The following ROBO1 variants were observed in gnomAD, a reference collection of about 807,000 sequenced individuals.
ROBO1 encodes the protein roundabout guidance receptor 1, also known as roundabout homolog 1.
Under a neutral mutation model 195.9 loss-of-function variants are expected in ROBO1, and 149 were observed. The observed-to-expected ratio is 0.76, with a 90% CI of 0.67 to 0.87. The LOEUF (loss-of-function observed/expected upper bound fraction) is 0.87, where lower values mean the gene tolerates loss of function less well. ROBO1 is among the 40% of genes least tolerant of loss of function. ROBO1 has a pLI of 0.00. For synonymous variants in ROBO1, 816 were observed against 733.2 expected (o/e 1.11, Z -1.82); for missense variants, 1,933 against 2,068.3 (o/e 0.93, Z 1.27).
intron 29 of ROBO1, among the ~76,000 whole-genome samples, chr3:78,601,270 C>T (rs1349376186): frequency 6.6e-6 from 1 of 152,182 alleles, no homozygotes; most frequent in African/African-American, 2.4e-5. Context: ...GAAGGCTTCC[C>T]TCTAGCTCAC....
chr3:79,272,602 G>A (rs1024507781), intron 2 of ROBO1, among the ~76,000 whole-genome samples: 1 of 152,072 alleles, frequency 6.6e-6, no homozygotes, highest in Non-Finnish European at 1.5e-5. Flanking sequence ...GAATTTGTGT[G>A]TTTGTGGGAG....
At chr3:78,688,044 T>C (rs2081090273) in intron 9 of ROBO1, among the ~76,000 whole-genome samples, 1 of 152,146 alleles carries the variant, frequency 6.6e-6, no homozygotes, top group African/African-American at 2.4e-5. Flanking sequence ...GAACTTAGAG[T>C]TCAAAAGAGT....
intron 4 of ROBO1, among the ~76,000 whole-genome samples, chr3:78,859,264 A>G (rs1419544769): frequency 1.3e-5 from 2 of 152,214 alleles, no homozygotes; most frequent in African/African-American, 2.4e-5. Context: ...TGAAGAAAGT[A>G]TAGTTGTTGG....
chr3:78,980,839 A>C (rs2076975473), intron 3 of ROBO1, among the ~76,000 whole-genome samples: 1 of 151,612 alleles, frequency 6.6e-6, no homozygotes, highest in Admixed American at 6.6e-5. Flanking sequence ...ATAACTCATA[A>C]AGAGAGATAA....
At chr3:78,872,577 C>T (rs1003760601) in intron 4 of ROBO1, among the ~76,000 whole-genome samples, 1 of 152,144 alleles carries the variant, frequency 6.6e-6, no homozygotes, top group Non-Finnish European at 1.5e-5. Context: ...TCATTAACTG[C>T]CTTTGCAACC....
chr3:79,619,201 A>G (rs1245117033), intron 1 of ROBO1, among the ~76,000 whole-genome samples: 2 of 152,104 alleles, frequency 1.3e-5, no homozygotes, highest in African/African-American at 4.8e-5. Flanking sequence ...CTTAGTGGCA[A>G]GTCAATTGTG....
chr3:78,823,714 A>G (rs937374223), intron 4 of ROBO1, among the ~76,000 whole-genome samples: 5 of 152,116 alleles, frequency 3.3e-5, no homozygotes, highest in Admixed American at 1.3e-4. Flanking sequence ...GCATACTCTT[A>G]TCTCCAGCTT....
intron 2 of ROBO1, among the ~76,000 whole-genome samples, chr3:79,245,737 C>T (rs546447683): frequency 6.6e-6 from 1 of 152,016 alleles, no homozygotes; most frequent in African/African-American, 2.4e-5. Flanking sequence ...CACTGGAGAC[C>T]TTGGGGGAAA....
At chr3:78,649,402 T>C (rs1288102588) in intron 19 of ROBO1, among the ~76,000 whole-genome samples, 1 of 152,066 alleles carries the variant, frequency 6.6e-6, no homozygotes, top group African/African-American at 2.4e-5. Context: ...CCCTAAGTGA[T>C]GCGGGTGCAA....
chr3:79,689,573 A>G (rs980683637), intron 1 of ROBO1, among the ~76,000 whole-genome samples: 58 of 151,974 alleles, frequency 3.8e-4, no homozygotes, highest in Admixed American at 9.2e-4. Flanking sequence ...GGCAAATAAA[A>G]CAGATCAGGA....
chr3:78,990,281 A>C (rs1328065146), intron 3 of ROBO1, among the ~76,000 whole-genome samples: 1 of 152,142 alleles, frequency 6.6e-6, no homozygotes, highest in Non-Finnish European at 1.5e-5. Flanking sequence ...TTTTTTGGCT[A>C]ATATTCCACG....
intron 2 of ROBO1, among the ~76,000 whole-genome samples, chr3:79,495,270 A>G (rs916064504): frequency 6.6e-6 from 1 of 152,222 alleles, no homozygotes; most frequent in Non-Finnish European, 1.5e-5. Flanking sequence ...CAGAGTAACA[A>G]TCACATAAAG....
intron 4 of ROBO1, among the ~76,000 whole-genome samples, chr3:78,755,703 C>G (rs897844689): frequency 6.6e-6 from 1 of 152,130 alleles, no homozygotes; most frequent in Non-Finnish European, 1.5e-5. Flanking sequence ...ATCTGAGTAA[C>G]TGATCATGCC....
chr3:78,800,087 C>T (rs1278521365), intron 4 of ROBO1, among the ~76,000 whole-genome samples: 1 of 152,104 alleles, frequency 6.6e-6, no homozygotes, highest in Non-Finnish European at 1.5e-5. Flanking sequence ...ATGTGCTGCT[C>T]ACGTTCCTAG....
chr3:79,189,580 C>T (rs1251492968), intron 2 of ROBO1, among the ~76,000 whole-genome samples: 1 of 151,588 alleles, frequency 6.6e-6, no homozygotes, highest in Admixed American at 6.6e-5. Context: ...AATATTTACC[C>T]ATATTCCCAA....
intron 4 of ROBO1, among the ~76,000 whole-genome samples, chr3:78,887,149 A>T (rs2036615749): frequency 6.6e-6 from 1 of 152,238 alleles, no homozygotes; most frequent in Non-Finnish European, 1.5e-5. Flanking sequence ...AATTAAAATC[A>T]GAACTTGGAG....
At chr3:78,658,821 C>T (rs1707201505) in intron 17 of ROBO1, among the ~76,000 whole-genome samples, 1 of 152,154 alleles carries the variant, frequency 6.6e-6, no homozygotes, top group Admixed American at 6.5e-5. Context: ...AATTAAGACT[C>T]TTTTGTGATT....
In ROBO1 at chr3:78,656,994, C is replaced by G. The variant is rs879208794; in HGVS notation, c.2614+104G>C. The G allele has an allele frequency of 6.6e-6, 7 of 1,060,942 alleles. No homozygotes were observed. The African/African-American group carries it at 1.1e-4, about 17-fold the overall frequency. The allele number at this position is 1,060,942 out of a possible 1,614,324, so 65.7% of individuals were successfully genotyped here. On this transcript the variant is annotated intron_variant, in intron 18 of 30. Coordinates refer to ENST00000464233, the MANE Select transcript of ROBO1 (RefSeq NM_002941.4). Reference sequence around the variant, plus strand: ...GTAGCTCTAAGCCATATTCCATATTCTATTAAATTAGCAATGGTGGGTGGC... The same window carrying G: ...GTAGCTCTAAGCCATATTCCATATTGTATTAAATTAGCAATGGTGGGTGGC...
At chr3:78,978,047 T>C (rs1275323979) in intron 3 of ROBO1, among the ~76,000 whole-genome samples, 1 of 152,178 alleles carries the variant, frequency 6.6e-6, no homozygotes, top group African/African-American at 2.4e-5. Flanking sequence ...AGCTCCAGAA[T>C]CTTAGTTATT....
Sources: gnomAD v4.1 joint callset for allele counts (sites outside exome capture counted in the v4.1 genomes callset) on GRCh38, gnomAD v4.1.1 for gene constraint, MANE v1.5 for transcripts, NCBI Gene and HGNC (gene_info 2026-07-23, HGNC 2026-07-21) for gene names.